FANCB: variants seen among roughly 807,000 people sequenced by gnomAD.
FANCB encodes the protein Fanconi anemia group B protein.
Under a neutral mutation model 38.9 loss-of-function variants are expected in FANCB, and 5 were observed. The observed-to-expected ratio is 0.13, with a 90% CI of 0.07 to 0.27. The LOEUF (loss-of-function observed/expected upper bound fraction) is 0.27. Ranked by LOEUF, FANCB falls within the 10% of genes least tolerant of loss-of-function variation. The pLI is 1.00. For missense variants in FANCB, 573 were observed against 602.7 expected (o/e 0.95, Z 0.52); for synonymous variants, 236 against 215.4 (o/e 1.10, Z -0.84).
At chrX:14,767,770 C>A in the FANCB span, among the ~76,000 whole-genome samples, 1 of 112,102 alleles carries the variant, frequency 8.9e-6, no homozygotes, top group Non-Finnish European at 1.9e-5. Flanking sequence ...GTGCCTATGT[C>A]CTGAATGGTA....
At chrX:14,764,696 C>T in the FANCB span, among the ~76,000 whole-genome samples, 1 of 111,457 alleles carries the variant, frequency 9.0e-6, no homozygotes, top group Non-Finnish European at 1.9e-5. Context: ...GATGTGGGAG[C>T]CAACCTCCAT....
At chrX:14,870,240 T>C (rs1014468361) in intron 1 of FANCB, among the ~76,000 whole-genome samples, 9 of 111,731 alleles carry the variant, frequency 8.1e-5, no homozygotes, top group Non-Finnish European at 7.5e-5. Flanking sequence ...TTAAAAAAAA[T>C]AGAAACATAT....
chrX:14,758,477 C>T, the FANCB span, among the ~76,000 whole-genome samples: 1 of 111,923 alleles, frequency 8.9e-6, no homozygotes, highest in Admixed American at 9.4e-5. Context: ...ACATCACTCC[C>T]CTGCCACCTC....
the FANCB span, among the ~76,000 whole-genome samples, chrX:14,803,817 G>A: frequency 9.0e-6 from 1 of 111,259 alleles, no homozygotes; most frequent in Admixed American, 9.5e-5. Context: ...TCAAAAAGTG[G>A]GCAAAGGATA....
At chrX:14,750,374 G>C in the FANCB span, among the ~76,000 whole-genome samples, 1 of 111,732 alleles carries the variant, frequency 8.9e-6, no homozygotes, top group Non-Finnish European at 1.9e-5. Context: ...GCAGTGATTT[G>C]GGATCCAGAC....
the FANCB span, among the ~76,000 whole-genome samples, chrX:14,765,177 G>A: frequency 2.7e-5 from 3 of 111,239 alleles, no homozygotes; most frequent in African/African-American, 9.8e-5. Context: ...GGGGCCATGA[G>A]AGTGACCAAG....
chrX:14,704,777 G>A, the FANCB span, among the ~76,000 whole-genome samples: 1 of 112,107 alleles, frequency 8.9e-6, no homozygotes. Context: ...AATAGTTTTT[G>A]AATGCTTGCC....
the FANCB span, among the ~76,000 whole-genome samples, chrX:14,756,731 C>G: frequency 3.6e-5 from 4 of 111,763 alleles, no homozygotes; most frequent in African/African-American, 1.3e-4. Context: ...CTTCTCTCCA[C>G]GTTGCCTTTC....
At chrX:14,752,430 G>A in the FANCB span, among the ~76,000 whole-genome samples, 365 of 112,048 alleles carry the variant, frequency 3.3e-3, 1 homozygote, top group African/African-American at 0.011. Flanking sequence ...ACCATCAAAG[G>A]GAAGTTTAAG....
At chrX:14,850,731 TAA>T (rs753483507) in intron 6 of FANCB, 57 bp from the exon 7 acceptor site, 1,441 of 565,968 alleles carry the variant, frequency 2.5e-3, no homozygotes, top group Non-Finnish European at 3.0e-3. Flanking sequence ...GTAGCAAAAC[TAA>T]AAAAAAAAAA....
chrX:14,825,948 A>C, the FANCB span, among the ~76,000 whole-genome samples: 1 of 112,227 alleles, frequency 8.9e-6, no homozygotes. Context: ...ACATTGCCTT[A>C]GCCCTGGAAG....
chrX:14,864,459 T>C, intron 3 of FANCB, 101 bp downstream of exon 3: 1 of 572,253 alleles, frequency 1.7e-6, no homozygotes, highest in East Asian at 3.4e-5. Context: ...AACTGAAAAT[T>C]GACTTAGACA....
the FANCB span, among the ~76,000 whole-genome samples, chrX:14,800,395 A>T: frequency 9.0e-6 from 1 of 111,690 alleles, no homozygotes; most frequent in Non-Finnish European, 1.9e-5. Context: ...TCTACAAGCT[A>T]AGGAAAGCCA....
At chrX:14,824,602 T>G in the FANCB span, among the ~76,000 whole-genome samples, 13 of 112,148 alleles carry the variant, frequency 1.2e-4, no homozygotes, top group African/African-American at 4.2e-4. Context: ...GAGTGCTAAG[T>G]CACAGAGGTT....
In FANCB at chrX:14,843,756, G is replaced by T. The variant is rs778731279; in HGVS notation, c.2391C>A (p.Val797=). ...RCEVSKGKSS[V]VAAALSDRRE... is the part of the protein sequence containing the mutation. ...TTCTGTCTGATAAAGCAGCCGCGAC[G>T]ACACTACTCTTTCCTTTGCTCACTT... The change falls in exon 10 of 10, where the codon GTC becomes GTA. Residue 797 remains valine, a synonymous_variant. Transcript: ENST00000650831. The T allele has an allele frequency of 8.3e-7, 1 of 1,211,058 alleles. No individual in the cohort carries two copies. The highest frequency in any genetic ancestry group is 1.1e-6 in the Non-Finnish European group (1 of 895,143).
At chrX:14,786,931 G>A in the FANCB span, among the ~76,000 whole-genome samples, 2 of 111,659 alleles carry the variant, frequency 1.8e-5, no homozygotes, top group Non-Finnish European at 1.9e-5. Flanking sequence ...TGAGTCAAAC[G>A]AAGTGAAATG....
chrX:14,802,923 C>A, the FANCB span, among the ~76,000 whole-genome samples: 3 of 111,808 alleles, frequency 2.7e-5, no homozygotes, highest in Admixed American at 9.5e-5. Context: ...GTTTTGTAAG[C>A]TGAAGTGCAA....
chrX:14,863,655 G>A (rs1261072729), intron 3 of FANCB, among the ~76,000 whole-genome samples: 1 of 111,840 alleles, frequency 8.9e-6, no homozygotes, highest in Admixed American at 9.5e-5. Flanking sequence ...TTGCTCAAAG[G>A]TCAGTTCTGC....
At chrX:14,794,899 A>G in the FANCB span, among the ~76,000 whole-genome samples, 1 of 112,375 alleles carries the variant, frequency 8.9e-6, no homozygotes. Context: ...GACCATAGCC[A>G]CTCTGCTATA....
Sources: gnomAD v4.1 joint callset for allele counts (sites outside exome capture counted in the v4.1 genomes callset) on GRCh38, gnomAD v4.1.1 for gene constraint, MANE v1.5 for transcripts, NCBI Gene and HGNC (gene_info 2026-07-23, HGNC 2026-07-21) for gene names.